Variants in ARHGEF37 observed in about 807,000 individuals in gnomAD.
The protein encoded by ARHGEF37 is Rho guanine nucleotide exchange factor (GEF) 37.
Under a neutral mutation model 71.1 loss-of-function variants are expected in ARHGEF37, and 55 were observed. That is an observed-to-expected ratio of 0.77 (90% CI 0.62 to 0.97). ARHGEF37 has a LOEUF of 0.97. ARHGEF37 is among the 50% of genes least tolerant of loss of function. ARHGEF37 has a pLI of 0.00. For synonymous variants in ARHGEF37, 327 were observed against 350.6 expected, an observed-to-expected ratio of 0.93 and a Z score of 0.75; for missense variants, 765 against 836.8, an observed-to-expected ratio of 0.91 and a Z score of 1.06.
rs377750156 is a variant in ARHGEF37, at chr5:149,601,150, G to A, written c.229G>A (p.Asp77Asn). The stretch of plus-strand genomic sequence containing the variant: ...GGATGTCCTGTTCTCAAACATTGAT[G>A]ATATCATCAAAGTGAACAGCAGATT... ...DLDVLFSNID[D>N]IIKVNSRFLH... Residue 77 changes from aspartate to asparagine, a missense_variant, in exon 3 of 13, where the codon GAT (aspartate) becomes AAT (asparagine). Asp to Asn is a conservative substitution (Grantham distance 23). Coordinates refer to ENST00000333677, the MANE Select transcript of ARHGEF37 (RefSeq NM_001001669.3). The A allele has an allele frequency of 6.3e-5, 102 of 1,613,164 alleles. No homozygotes were observed. In the African/African-American group the frequency reaches 8.5e-4, roughly 13 times the overall value.
intron 1 of ARHGEF37, among the ~76,000 whole-genome samples, chr5:149,575,334 A>G (rs905314471): frequency 6.6e-6 from 1 of 151,816 alleles, no homozygotes; most frequent in East Asian, 1.9e-4. Context: ...AGAATTGCCA[A>G]CTCCCTGTTG....
In ARHGEF37 at chr5:149,555,912, C is replaced by T. The variant is rs142345063; in HGVS notation, c.-12+3789C>T. On this transcript the variant is annotated intron_variant, in intron 1 of 2. Coordinates refer to the ARHGEF37 transcript ENST00000505810. Reference sequence around the variant, plus strand: ...GCTGAGATAGGAGGATCGCTTGAGGCCAGGAGTTCAAGACCAGCCTGAGCA... The same window carrying T: ...GCTGAGATAGGAGGATCGCTTGAGGTCAGGAGTTCAAGACCAGCCTGAGCA... Among the ~76,000 whole-genome samples, 1,482 of 151,872 alleles carry T rather than the reference C, an allele frequency of 9.8e-3. 30 individuals are homozygous for T. Among genetic ancestry groups the T allele is most frequent in the African/African-American group, 0.034 (1,407 of 41,408 alleles).
chr5:149,620,056 G>A (rs1470443704), intron 7 of ARHGEF37, among the ~76,000 whole-genome samples: 1 of 146,108 alleles, frequency 6.8e-6, no homozygotes, highest in African/African-American at 2.5e-5. Context: ...CTGGGTGACA[G>A]AGTGAGACTC....
In ARHGEF37 at chr5:149,627,071, C is replaced by G; in HGVS notation, c.1465-5C>G. The G allele has an allele frequency of 6.2e-7, 1 of 1,607,100 alleles. No individual in the cohort carries two copies. The highest frequency in any genetic ancestry group is 8.5e-7 in the Non-Finnish European group (1 of 1,175,842). On this transcript the variant is annotated splice_polypyrimidine_tract_variant and splice_region_variant and intron_variant, in intron 10 of 12. Transcript: ENST00000333677. ...TTGTGTCTGTCTGTGCTCCTCCTCTCCCAGCCGCTCCTTCCAGGGTCTGAA... is the reference window on the plus strand; with the variant it reads ...TTGTGTCTGTCTGTGCTCCTCCTCTGCCAGCCGCTCCTTCCAGGGTCTGAA...
At chr5:149,600,979 T>G in intron 2 of ARHGEF37, 129 bp from the exon 3 acceptor site, 1 of 1,129,798 alleles carries the variant, frequency 8.9e-7, no homozygotes. Context: ...CTTGCAAAAT[T>G]CCACTGGGGC....
chr5:149,576,461 A>T (rs1022572074), intron 1 of ARHGEF37, among the ~76,000 whole-genome samples: 10 of 152,228 alleles, frequency 6.6e-5, no homozygotes, highest in Non-Finnish European at 1.2e-4. Flanking sequence ...AGTATCATCT[A>T]GCAGAATGCC....
At chr5:149,610,677 G>A (rs1764054585) in intron 4 of ARHGEF37, among the ~76,000 whole-genome samples, 1 of 152,088 alleles carries the variant, frequency 6.6e-6, no homozygotes, top group African/African-American at 2.4e-5. Flanking sequence ...TTACAAACAG[G>A]CTTCTGCAAG....
chr5:149,631,919 C>G, intron 12 of ARHGEF37, 63 bp from the exon 13 acceptor site: 7 of 1,552,352 alleles, frequency 4.5e-6, no homozygotes, highest in Non-Finnish European at 6.2e-6. Context: ...AACAGCCTCT[C>G]TGGATCCAGT....
chr5:149,586,108 A>G (rs1229909777), intron 1 of ARHGEF37, among the ~76,000 whole-genome samples: 1 of 152,226 alleles, frequency 6.6e-6, no homozygotes, highest in Non-Finnish European at 1.5e-5. Flanking sequence ...TGGAGTTTCC[A>G]TTATTTTGAA....
intron 1 of ARHGEF37, among the ~76,000 whole-genome samples, chr5:149,566,933 G>A (rs1018286755): frequency 4.6e-5 from 7 of 151,954 alleles, no homozygotes; most frequent in African/African-American, 1.2e-4. Context: ...ATAACAAGAC[G>A]TTTTCTTTAT....
At chr5:149,599,247 C>T (rs1763680902) in intron 2 of ARHGEF37, among the ~76,000 whole-genome samples, 1 of 152,116 alleles carries the variant, frequency 6.6e-6, no homozygotes, top group Non-Finnish European at 1.5e-5. Flanking sequence ...GCAGGGAGGA[C>T]ATACGCCCAC....
Position 149,624,053 on chromosome 5 carries a change from G to A in ARHGEF37, c.1377G>A (p.Leu459=). The A allele has an allele frequency of 1.9e-6, 3 of 1,609,306 alleles. No homozygotes were observed. Among genetic ancestry groups the A allele is most frequent in the Non-Finnish European group, 2.6e-6 (3 of 1,176,004 alleles). ...HHVPEPAFRK[L]VEDALGRTSN... is the part of the protein sequence containing the mutation. ...TCCCAGAGCCTGCCTTCAGGAAGCT[G>A]GTGGAGGACGCACTGGGCCGGACGA... Residue 459 remains leucine, a synonymous_variant, in exon 10 of 13, where the codon CTG becomes CTA. Transcript: ENST00000333677.
At chr5:149,617,076 C>T (rs776868793) in intron 5 of ARHGEF37, among the ~76,000 whole-genome samples, 1 of 152,122 alleles carries the variant, frequency 6.6e-6, no homozygotes, top group Non-Finnish European at 1.5e-5. Context: ...GGTTTTTTCC[C>T]CCTTAGCCAC....
At chr5:149,556,366 GTATTTATT>G (rs34107862) in intron 1 of ARHGEF37, among the ~76,000 whole-genome samples, 111 of 142,754 alleles carry the variant, frequency 7.8e-4, no homozygotes, top group Admixed American at 2.5e-3. Flanking sequence ...GCTAGTTTTT[GTATTTATT>G]TATTTATTTA....
intron 1 of ARHGEF37, among the ~76,000 whole-genome samples, chr5:149,555,041 G>C (rs1202334581): frequency 3.3e-5 from 5 of 151,070 alleles, no homozygotes; most frequent in Non-Finnish European, 7.4e-5. Flanking sequence ...TGAGGCAGGA[G>C]AATCGCTGGA....
intron 5 of ARHGEF37, 137 bp from the exon 6 acceptor site, chr5:149,618,039 G>A: frequency 1.6e-6 from 2 of 1,245,622 alleles, no homozygotes; most frequent in Admixed American, 2.1e-5. Flanking sequence ...TGCTTTTCCT[G>A]TGTGACTCAC....
intron 7 of ARHGEF37, 25 bp downstream of exon 7, chr5:149,619,067 A>T: frequency 6.3e-7 from 1 of 1,598,482 alleles, no homozygotes; most frequent in Non-Finnish European, 8.6e-7. Flanking sequence ...GGGTTCATAA[A>T]GGGCGAGTCT....
At chr5:149,557,773 C>T (rs1762773857) in intron 1 of ARHGEF37, among the ~76,000 whole-genome samples, 1 of 151,982 alleles carries the variant, frequency 6.6e-6, no homozygotes, top group African/African-American at 2.4e-5. Context: ...ACATTTATTT[C>T]AATTAATGTT....
intron 3 of ARHGEF37, among the ~76,000 whole-genome samples, chr5:149,603,060 G>A (rs535103462): frequency 6.6e-6 from 1 of 152,126 alleles, no homozygotes; most frequent in Non-Finnish European, 1.5e-5. Context: ...AACCTCCTGA[G>A]TAGCTGGGAT....
Sources: gnomAD v4.1 joint callset for allele counts (sites outside exome capture counted in the v4.1 genomes callset) on GRCh38, gnomAD v4.1.1 for gene constraint, MANE v1.5 for transcripts, NCBI Gene and HGNC (gene_info 2026-07-23, HGNC 2026-07-21) for gene names.